ZNF395: variants seen among roughly 807,000 people sequenced by gnomAD.
The protein encoded by ZNF395 is HD gene regulatory region-binding protein 2.
In ZNF395, 20 loss-of-function variants were observed where a neutral mutation model predicts 57.7. The observed-to-expected ratio is 0.35, with a 90% CI of 0.24 to 0.50. ZNF395 has a LOEUF of 0.50. Among genes scored for constraint, ZNF395 ranks in the 20% least tolerant of loss-of-function variants. The probability of loss-of-function intolerance (pLI) is 0.97; values close to 1 mark genes in which losing one functional copy is unlikely to be tolerated. For missense variants in ZNF395, 606 were observed against 671.2 expected (o/e 0.90, Z 1.07); for synonymous variants, 295 against 275.9 (o/e 1.07, Z -0.69).
intron 1 of ZNF395, chr8:28,385,099 G>A (rs1349230233): frequency 1.3e-5 from 2 of 152,278 alleles, no homozygotes; most frequent in Non-Finnish European, 1.5e-5. Context: ...AAACCCCCAG[G>A]TGTACTTTTC....
chr8:28,363,373 C>G (rs184712047), intron 1 of ZNF395, among the ~76,000 whole-genome samples: 4 of 152,220 alleles, frequency 2.6e-5, no homozygotes, highest in Admixed American at 6.5e-5. Context: ...CTCAGGCCAT[C>G]TGCCTGCCTC....
At chr8:28,372,323 G>A (rs1219433956) in intron 1 of ZNF395, among the ~76,000 whole-genome samples, 1 of 152,160 alleles carries the variant, frequency 6.6e-6, no homozygotes, top group Non-Finnish European at 1.5e-5. Context: ...ACTGAGCACT[G>A]TGCCTAGCAA....
chr8:28,349,325 T>C, intron 8 of ZNF395, 97 bp from the exon 9 acceptor site: 1 of 934,606 alleles, frequency 1.1e-6, no homozygotes, highest in Non-Finnish European at 1.5e-6. Flanking sequence ...CAGCTCCTGG[T>C]GCAGAAGGCC....
At position 28,361,159 on chromosome 8, in the gene ZNF395, G is replaced by A; in HGVS notation, c.-35C>T. 2 of 1,607,826 alleles carry A rather than the reference G, an allele frequency of 1.2e-6. No individual in the cohort carries two copies. The highest frequency in any genetic ancestry group is 1.1e-5 in the South Asian group (1 of 91,066). On this transcript the variant is annotated 5_prime_UTR_variant, in exon 2 of 10. Coordinates refer to ENST00000344423, the MANE Select transcript of ZNF395 (RefSeq NM_018660.3). Reference sequence around the variant, plus strand: ...TCTCCTCTCCTGCGGAGGCGAAGGGGACACTGAAGCCTCTGCCCATCACCT... The same window carrying A: ...TCTCCTCTCCTGCGGAGGCGAAGGGAACACTGAAGCCTCTGCCCATCACCT...
intron 1 of ZNF395, among the ~76,000 whole-genome samples, chr8:28,373,550 G>C (rs990724758): frequency 1.1e-4 from 16 of 152,200 alleles, no homozygotes; most frequent in African/African-American, 3.4e-4. Flanking sequence ...AAGAACCGCA[G>C]GTGCGGTGAC....
In ZNF395 at chr8:28,359,595, T is replaced by G. The variant is rs753930521; in HGVS notation, c.470A>C (p.Lys157Thr). The change falls in exon 3 of 10, where the codon AAG becomes ACG. Residue 157 changes from lysine to threonine, a missense_variant. Lys to Thr is a moderately conservative substitution (Grantham distance 78). This residue lies in a region of ZNF395 where 309 missense variants were observed against 374.7 expected (regional missense o/e 0.82). Coordinates refer to ENST00000344423, the MANE Select transcript of ZNF395 (RefSeq NM_018660.3). The surrounding 1 kb of genome is among the most constrained non-coding windows in gnomAD (Gnocchi z 4.7). The stretch of plus-strand genomic sequence containing the variant: ...CAGTTTCTTCTCCCACACAAACCTC[T>G]TTGGGACATCGATGTTCCTGGAGAC... ...RPVSRNIDVP[K>T]RKSDAVEMDE... 5.0e-6 allele frequency: 8 copies of G among 1,596,446 alleles called. No homozygotes were observed. Among genetic ancestry groups the G allele is most frequent in the Non-Finnish European group, 6.8e-6 (8 of 1,169,328 alleles).
Position 28,352,474 on chromosome 8 carries a change from G to C in ZNF395, c.920+99C>G. ...CCAGGGGGTGTTCCCAGCAAGCCAC[G>C]TTCCTGAAAGCACTGTGGGCTGTGG... On this transcript the variant is annotated intron_variant, in intron 6 of 9. Transcript: ENST00000344423. This position sits in a 1 kb window ranked among gnomAD's most constrained non-coding sequence, Gnocchi z 4.0. 9.7e-7 allele frequency: 1 copy of C among 1,032,644 alleles called. No homozygotes were observed. The highest frequency in any genetic ancestry group is 1.4e-5 in the South Asian group (1 of 70,760). The allele number at this position is 1,032,644 out of a possible 1,614,324, so 64.0% of individuals were successfully genotyped here.
At chr8:28,349,821 T>G (rs1322937626) in intron 8 of ZNF395, among the ~76,000 whole-genome samples, 1 of 152,240 alleles carries the variant, frequency 6.6e-6, no homozygotes, top group African/African-American at 2.4e-5. Flanking sequence ...GCAAGAAACC[T>G]GCTTGCTCTG....
At chr8:28,351,380 T>G in intron 7 of ZNF395, 115 bp downstream of exon 7, 2 of 1,160,152 alleles carry the variant, frequency 1.7e-6, no homozygotes, top group Non-Finnish European at 2.4e-6. Context: ...TAGAAGAGAT[T>G]AGCAATTTGG....
At chr8:28,371,731 CACAA>C (rs553556751) in intron 1 of ZNF395, among the ~76,000 whole-genome samples, 106 of 152,306 alleles carry the variant, frequency 7.0e-4, no homozygotes, top group African/African-American at 2.3e-3. Flanking sequence ...AAAGAGAATG[CACAA>C]ACAGTCAGGG....
chr8:28,363,115 T>G (rs201642094), intron 1 of ZNF395, among the ~76,000 whole-genome samples: 7 of 146,922 alleles, frequency 4.8e-5, no homozygotes, highest in Admixed American at 6.8e-5. Context: ...AAATTGGTTG[T>G]TTTTTTTTTG....
At position 28,359,864 on chromosome 8, in the gene ZNF395, T is replaced by C. The variant is rs1332170859; in HGVS notation, c.241-40A>G. 1 of 1,593,802 alleles carries C rather than the reference T, an allele frequency of 6.3e-7. No individual in the cohort carries two copies. The highest frequency in any genetic ancestry group is 1.3e-5 in the African/African-American group (1 of 74,636). Reference sequence around the variant, plus strand: ...ACAGCAGTTAGTGGTCAGCCCTGGATGGGTCTCGCCCTGAAGTTCTCATGC... The same window carrying C: ...ACAGCAGTTAGTGGTCAGCCCTGGACGGGTCTCGCCCTGAAGTTCTCATGC... On this transcript the variant is annotated intron_variant, in intron 2 of 9. Transcript: ENST00000344423. This position sits in a 1 kb window ranked among gnomAD's most constrained non-coding sequence, Gnocchi z 4.7.
At chr8:28,373,652 C>T (rs1317603027) in intron 1 of ZNF395, among the ~76,000 whole-genome samples, 1 of 152,138 alleles carries the variant, frequency 6.6e-6, no homozygotes, top group Non-Finnish European at 1.5e-5. Flanking sequence ...TCCACACAAC[C>T]ACTATCAACA....
At chr8:28,351,054 A>C (rs1229028510) in intron 7 of ZNF395, among the ~76,000 whole-genome samples, 2 of 151,060 alleles carry the variant, frequency 1.3e-5, no homozygotes, top group Non-Finnish European at 2.9e-5. Flanking sequence ...AAGGGCAGGG[A>C]CTAAGCCTTC....
At chr8:28,350,392 C>T (rs868382581) in intron 7 of ZNF395, among the ~76,000 whole-genome samples, 1 of 152,210 alleles carries the variant, frequency 6.6e-6, no homozygotes, top group African/African-American at 2.4e-5. Flanking sequence ...CTTCCCTCAG[C>T]GCTGGTCTAC....
rs148954310 is a variant in ZNF395, at chr8:28,367,575, ACC to A, written c.-58-6395_-58-6394del. 2.3e-3 allele frequency among the ~76,000 whole-genome samples: 346 copies of A among 152,312 alleles called. 9 individuals carry two copies. The East Asian group carries it at 0.058, about 26-fold the overall frequency. On this transcript the variant is annotated intron_variant, in intron 1 of 9. Coordinates refer to ENST00000344423, the MANE Select transcript of ZNF395 (RefSeq NM_018660.3). Reference sequence around the variant, plus strand: ...GGCAGGAAAGCGTTTCCACAGCTCTACCCAGGAAAAAATACACTTCCCCTTCC... The same window carrying A: ...GGCAGGAAAGCGTTTCCACAGCTCTACAGGAAAAAATACACTTCCCCTTCC...
In ZNF395 at chr8:28,372,422, A is replaced by T. The variant is rs940378848; in HGVS notation, c.-58-11240T>A. Among the ~76,000 whole-genome samples, 109 of 152,228 alleles carry T rather than the reference A, an allele frequency of 7.2e-4. 1 individual carries two copies. Among genetic ancestry groups the T allele is most frequent in the Admixed American group, 7.1e-3 (109 of 15,284 alleles). On this transcript the variant is annotated intron_variant, in intron 1 of 9. Transcript: ENST00000344423. ...AACCTATCGGAAAATTATCAGAAAG[A>T]GTTTGTGCAAATGCGGGGGAAATAC...
intron 4 of ZNF395, among the ~76,000 whole-genome samples, chr8:28,354,250 G>C (rs113472135): frequency 2.6e-4 from 39 of 152,344 alleles, no homozygotes; most frequent in African/African-American, 7.7e-4. Flanking sequence ...TTTTTAAACA[G>C]CACATCTGCA....
chr8:28,370,204 TAAA>T (rs60927229), intron 1 of ZNF395, among the ~76,000 whole-genome samples: 6 of 145,898 alleles, frequency 4.1e-5, no homozygotes, highest in South Asian at 2.1e-4. Context: ...GTTATGAATC[TAAA>T]AAAAAAAAAT....
Sources: gnomAD v4.1 joint callset for allele counts (sites outside exome capture counted in the v4.1 genomes callset) on GRCh38, gnomAD v4.1.1 for gene constraint, gnomAD v4.1.1 regional missense constraint, Gnocchi (gnomAD v3.1) non-coding constraint, MANE v1.5 for transcripts, NCBI Gene and HGNC (gene_info 2026-07-23, HGNC 2026-07-21) for gene names.